Variants in PPP1R21 observed in about 807,000 individuals in gnomAD.
PPP1R21 encodes protein phosphatase 1 regulatory subunit 21.
PPP1R21 carries 85 observed loss-of-function variants against 112.8 expected under a neutral mutation model. The observed-to-expected ratio is 0.75, with a 90% CI of 0.63 to 0.90. The LOEUF is 0.90. PPP1R21 is among the 40% of genes least tolerant of loss of function. The probability of loss-of-function intolerance (pLI) is 0.00; values close to 1 mark genes in which losing one functional copy is unlikely to be tolerated. For synonymous variants in PPP1R21, 381 were observed against 322.3 expected (o/e 1.18, Z -1.95); for missense variants, 1,199 against 901.5 (o/e 1.33, Z -4.23).
intron 1 of PPP1R21, among the ~76,000 whole-genome samples, chr2:48,446,691 A>C (rs1667262643): frequency 1.3e-5 from 2 of 152,198 alleles, no homozygotes. Flanking sequence ...AATACAAGGA[A>C]GTATACTGTA....
At chr2:48,446,273 A>G (rs1046329264) in intron 1 of PPP1R21, among the ~76,000 whole-genome samples, 7 of 152,176 alleles carry the variant, frequency 4.6e-5, no homozygotes, top group Non-Finnish European at 1.0e-4. Context: ...CATTTAGCCT[A>G]TCACATATTG....
chr2:48,448,887 G>A (rs1285105510), intron 1 of PPP1R21, among the ~76,000 whole-genome samples: 2 of 152,154 alleles, frequency 1.3e-5, no homozygotes, highest in East Asian at 1.9e-4. Flanking sequence ...CTCTTCCATT[G>A]TACCTCAAAA....
chr2:48,447,622 G>A (rs957451150), intron 1 of PPP1R21, among the ~76,000 whole-genome samples: 1 of 152,094 alleles, frequency 6.6e-6, no homozygotes, highest in African/African-American at 2.4e-5. Flanking sequence ...TCCCCTCTGT[G>A]GTGAATACTG....
At chr2:48,475,599 G>C (rs933275422) in intron 12 of PPP1R21, among the ~76,000 whole-genome samples, 2 of 152,152 alleles carry the variant, frequency 1.3e-5, no homozygotes, top group Non-Finnish European at 2.9e-5. Context: ...TGTAATCCCA[G>C]CACTTTGGGA....
Position 48,469,305 on chromosome 2 carries a change from A to G in PPP1R21, c.898-1782A>G, listed in dbSNP as rs1323894084. Among the ~76,000 whole-genome samples the G allele has an allele frequency of 6.5e-5, 8 of 123,868 alleles. 1 individual carries two copies. The highest frequency in any genetic ancestry group is 2.3e-4 in the South Asian group (1 of 4,272). 81.3% of individuals were successfully genotyped at this position (123,868 alleles called of 152,430 possible). On this transcript the variant is annotated intron_variant, in intron 9 of 21. Coordinates refer to ENST00000294952, the MANE Select transcript of PPP1R21 (RefSeq NM_001135629.3). ...TGTGTGTGTGTGTGTGTATGTATAT[A>G]TATACACACACACACATATATATAT... is the stretch of plus-strand genomic sequence containing the variant.
rs1670417333 is a variant in PPP1R21, at chr2:48,507,113, T to A, written c.1969-156T>A. 3.8e-6 allele frequency: 4 copies of A among 1,056,634 alleles called. No individual in the cohort carries two copies. In the South Asian group the frequency reaches 9.0e-5, roughly 24 times the overall value. The allele number at this position is 1,056,634 out of a possible 1,614,324, so 65.5% of individuals were successfully genotyped here. On this transcript the variant is annotated intron_variant, in intron 18 of 21. Coordinates refer to ENST00000294952, the MANE Select transcript of PPP1R21 (RefSeq NM_001135629.3). ...AAATTTGGAATATACACTTCCCTGC[T>A]ATGTCTGAAGTTTCTTCGAGGGGGT...
intron 17 of PPP1R21, among the ~76,000 whole-genome samples, chr2:48,499,371 G>A (rs1359983779): frequency 6.6e-6 from 1 of 152,132 alleles, no homozygotes; most frequent in Admixed American, 6.6e-5. Context: ...AAAAACATTT[G>A]TAATATGGGG....
intron 17 of PPP1R21, among the ~76,000 whole-genome samples, chr2:48,501,465 C>T (rs1002082198): frequency 1.3e-5 from 2 of 152,172 alleles, no homozygotes; most frequent in African/African-American, 4.8e-5. Flanking sequence ...TCAGTCAGTC[C>T]TCACACAGGA....
Position 48,514,759 on chromosome 2 carries a change from G to A in PPP1R21, c.*15G>A. 6.2e-7 allele frequency: 1 copy of A among 1,612,966 alleles called. No homozygotes were observed. Among genetic ancestry groups the A allele is most frequent in the East Asian group, 2.2e-5 (1 of 44,888 alleles). ...AGAGTCGATAGTTTTGAAATAGCTG[G>A]TTGGCGACTGTTCTTTCCAGACCTG... On this transcript the variant is annotated 3_prime_UTR_variant, in exon 22 of 22. Transcript: ENST00000294952.
At chr2:48,470,556 G>A (rs1572854317) in intron 9 of PPP1R21, among the ~76,000 whole-genome samples, 1 of 149,768 alleles carries the variant, frequency 6.7e-6, no homozygotes, top group African/African-American at 2.4e-5. Context: ...TCCTCATTTT[G>A]ATAATTACAT....
chr2:48,463,784 G>A (rs1668081399), intron 7 of PPP1R21, among the ~76,000 whole-genome samples: 2 of 152,012 alleles, frequency 1.3e-5, no homozygotes, highest in East Asian at 1.9e-4. Flanking sequence ...GGCCCAGGAG[G>A]ACGGTTAGCT....
At chr2:48,467,147 C>G (rs1196633755) in intron 9 of PPP1R21, among the ~76,000 whole-genome samples, 1 of 152,254 alleles carries the variant, frequency 6.6e-6, no homozygotes, top group East Asian at 1.9e-4. Context: ...GGGAGACACA[C>G]TGCTTATCCA....
chr2:48,504,610 C>T (rs1670286585), intron 17 of PPP1R21, among the ~76,000 whole-genome samples: 1 of 152,124 alleles, frequency 6.6e-6, no homozygotes, highest in South Asian at 2.1e-4. Flanking sequence ...CATTGCACTC[C>T]AGCCTGGGCA....
chr2:48,510,642 G>T (rs2103676601), intron 20 of PPP1R21, among the ~76,000 whole-genome samples: 1 of 152,298 alleles, frequency 6.6e-6, no homozygotes, highest in East Asian at 1.9e-4. Context: ...GATTAATTAG[G>T]CACACAGGAT....
chr2:48,466,935 CTTTG>C (rs960570250), intron 9 of PPP1R21, among the ~76,000 whole-genome samples: 29 of 152,260 alleles, frequency 1.9e-4, no homozygotes, highest in African/African-American at 6.3e-4. Context: ...TAGACCTTCA[CTTTG>C]TTTGTAGGAT....
At chr2:48,453,560 A>C (rs1351291046) in intron 2 of PPP1R21, among the ~76,000 whole-genome samples, 1 of 152,208 alleles carries the variant, frequency 6.6e-6, no homozygotes, top group African/African-American at 2.4e-5. Flanking sequence ...AAGTTGTCAG[A>C]ACATCATAAG....
chr2:48,460,060 G>C, intron 5 of PPP1R21, 35 bp from the exon 6 acceptor site: 1 of 1,612,754 alleles, frequency 6.2e-7, no homozygotes, highest in Non-Finnish European at 8.5e-7. Flanking sequence ...GTCGTAGCCT[G>C]AGCCATCTGT....
chr2:48,454,029 C>G (rs1399658513), intron 2 of PPP1R21, among the ~76,000 whole-genome samples: 2 of 151,978 alleles, frequency 1.3e-5, no homozygotes, highest in African/African-American at 4.8e-5. Flanking sequence ...GAGGCCGAGG[C>G]AGGTGGATCA....
chr2:48,507,376 T>C lies in PPP1R21; in HGVS notation c.2076T>C (p.Phe692=). The change falls in exon 19 of 22, where the codon TTT becomes TTC. Residue 692 remains phenylalanine (F), a synonymous_variant. Transcript: ENST00000294952. ...LQLADSKSVH[F]YAECRALSKR... is the part of the protein sequence containing the mutation. ...TGGCTGACAGTAAGTCAGTGCATTT[T>C]TATGCCGAGGTGAGTGTAGATTTAA... The C allele has an allele frequency of 1.2e-6, 2 of 1,601,798 alleles. No individual in the cohort carries two copies. Among genetic ancestry groups the C allele is most frequent in the Non-Finnish European group, 1.7e-6 (2 of 1,176,262 alleles).
Sources: allele counts gnomAD v4.1 joint callset (sites outside exome capture counted in the v4.1 genomes callset), GRCh38; gene constraint gnomAD v4.1.1; transcripts MANE v1.5; gene names NCBI Gene and HGNC (gene_info 2026-07-23, HGNC 2026-07-21).